The following AGBL4 variants were observed in gnomAD, a reference collection of about 807,000 sequenced individuals.
The protein encoded by AGBL4 is cytosolic carboxypeptidase 6.
AGBL4 carries 58 observed loss-of-function variants against 66.4 expected under a neutral mutation model. The ratio of observed to expected loss-of-function variants is 0.87; its 90% confidence interval spans 0.71 to 1.09. The LOEUF is 1.09. AGBL4 is among the 50% of genes least tolerant of loss of function. AGBL4 has a pLI of 0.00. For missense variants in AGBL4, 579 were observed against 631.0 expected (o/e 0.92, Z 0.88); for synonymous variants, 234 against 222.9 (o/e 1.05, Z -0.44).
intron 3 of AGBL4, among the ~76,000 whole-genome samples, chr1:49,289,178 T>A (rs1644488039): frequency 6.6e-6 from 1 of 152,038 alleles, no homozygotes. Context: ...AACTAGAATA[T>A]AAAGAATTAA....
chr1:49,087,157 C>A (rs1321796456), intron 4 of AGBL4, among the ~76,000 whole-genome samples: 3 of 152,158 alleles, frequency 2.0e-5, no homozygotes, highest in Non-Finnish European at 4.4e-5. Flanking sequence ...AGTGCAAGAG[C>A]TCTGACAAGT....
At chr1:49,335,099 T>C (rs961121482) in intron 3 of AGBL4, among the ~76,000 whole-genome samples, 2 of 152,372 alleles carry the variant, frequency 1.3e-5, no homozygotes, top group Admixed American at 1.3e-4. Context: ...AGACTTCATA[T>C]GGCCAAAACA....
chr1:48,621,217 G>A (rs320031), intron 9 of AGBL4, among the ~76,000 whole-genome samples: 108,649 of 152,080 alleles, frequency 0.71, 39,825 homozygotes, highest in African/African-American at 0.85. Context: ...GGAATTTTGA[G>A]CAGAGAAAGT....
chr1:48,938,292 G>A (rs1237509966), intron 5 of AGBL4, among the ~76,000 whole-genome samples: 1 of 152,128 alleles, frequency 6.6e-6, no homozygotes, highest in Admixed American at 6.5e-5. Context: ...GTGCTATGCT[G>A]TGCACCTTAT....
At chr1:49,443,211 G>A (rs1168815804) in intron 3 of AGBL4, among the ~76,000 whole-genome samples, 1 of 151,912 alleles carries the variant, frequency 6.6e-6, no homozygotes, top group Non-Finnish European at 1.5e-5. Context: ...ATTTTCTCCT[G>A]TTCAGCAAGT....
chr1:49,709,437 C>A (rs755281818), intron 2 of AGBL4, among the ~76,000 whole-genome samples: 8 of 152,214 alleles, frequency 5.3e-5, no homozygotes, highest in Non-Finnish European at 1.0e-4. Flanking sequence ...AGGACAACTT[C>A]AGATTGCTCT....
At chr1:49,842,112 G>A (rs965922211) in intron 2 of AGBL4, 3 of 353,744 alleles carry the variant, frequency 8.5e-6, no homozygotes, top group South Asian at 2.7e-5. Flanking sequence ...TCCGCGCCAA[G>A]CTCCCCAACC....
At chr1:49,868,428 G>A (rs1396399170) in intron 1 of AGBL4, among the ~76,000 whole-genome samples, 2 of 151,410 alleles carry the variant, frequency 1.3e-5, no homozygotes. Flanking sequence ...ACAAAAACAG[G>A]CCAATGGCAC....
chr1:49,691,174 G>C (rs1459982887), intron 3 of AGBL4: 1 of 152,190 alleles, frequency 6.6e-6, no homozygotes, highest in African/African-American at 2.4e-5. Context: ...TGTTGTGGTG[G>C]TAGTTTTTGT....
intron 1 of AGBL4, among the ~76,000 whole-genome samples, chr1:49,884,742 T>A (rs1345356278): frequency 6.6e-6 from 1 of 151,854 alleles, no homozygotes; most frequent in Non-Finnish European, 1.5e-5. Context: ...GTTATTATTA[T>A]TATATGCCTT....
intron 6 of AGBL4, among the ~76,000 whole-genome samples, chr1:48,841,722 T>C (rs962022401): frequency 6.6e-6 from 1 of 152,126 alleles, no homozygotes. Flanking sequence ...TGAGAATTTA[T>C]GGTTTTCGAT....
chr1:49,331,178 A>G (rs920386374), intron 3 of AGBL4, among the ~76,000 whole-genome samples: 1 of 151,774 alleles, frequency 6.6e-6, no homozygotes, highest in Non-Finnish European at 1.5e-5. Context: ...AGGTTTACTT[A>G]CTCCTACCCC....
At position 49,486,815 on chromosome 1, in the gene AGBL4, C is replaced by T. The variant is rs535818461; in HGVS notation, c.282+210498G>A. ...ATGCAACCAAAAATGGGACAAACACCCTTAGAACAAAACTGCTAGCCCCAT... is the reference window on the plus strand; with the variant it reads ...ATGCAACCAAAAATGGGACAAACACTCTTAGAACAAAACTGCTAGCCCCAT... On this transcript the variant is annotated intron_variant, in intron 3 of 13. Transcript: ENST00000371839. Among the ~76,000 whole-genome samples the T allele has an allele frequency of 3.9e-5, 6 of 151,928 alleles. No homozygotes were observed. The South Asian group carries it at 1.2e-3, about 32-fold the overall frequency.
chr1:49,282,829 G>A (rs950406481), intron 3 of AGBL4, among the ~76,000 whole-genome samples: 16 of 152,110 alleles, frequency 1.1e-4, no homozygotes, highest in Non-Finnish European at 1.8e-4. Flanking sequence ...AAAAAACGGC[G>A]CACCAAGAGA....
intron 4 of AGBL4, among the ~76,000 whole-genome samples, chr1:49,179,324 G>A (rs2148182532): frequency 6.6e-6 from 1 of 152,030 alleles, no homozygotes; most frequent in East Asian, 1.9e-4. Flanking sequence ...AAAATCAACT[G>A]GACATAGTAA....
At chr1:49,651,927 G>T (rs1646014738) in intron 3 of AGBL4, among the ~76,000 whole-genome samples, 1 of 151,970 alleles carries the variant, frequency 6.6e-6, no homozygotes, top group African/African-American at 2.4e-5. Context: ...CTCAATGAGT[G>T]CCAAGAGAAA....
chr1:49,010,875 C>T (rs1170628932), intron 5 of AGBL4, among the ~76,000 whole-genome samples: 4 of 151,114 alleles, frequency 2.6e-5, no homozygotes, highest in South Asian at 2.1e-4. Flanking sequence ...ATACAAAAAT[C>T]AATTCAAGAT....
chr1:48,697,255 G>A (rs747929263), intron 6 of AGBL4, among the ~76,000 whole-genome samples: 2 of 152,164 alleles, frequency 1.3e-5, no homozygotes, highest in Non-Finnish European at 2.9e-5. Flanking sequence ...GGTTCATTAG[G>A]AGAGGAAGGA....
chr1:49,858,792 G>A (rs961999894), intron 1 of AGBL4, among the ~76,000 whole-genome samples: 3 of 152,166 alleles, frequency 2.0e-5, no homozygotes, highest in Non-Finnish European at 4.4e-5. Context: ...TGAGGCGGCA[G>A]ATCACCTGAA....
Sources: allele counts gnomAD v4.1 joint callset (sites outside exome capture counted in the v4.1 genomes callset), GRCh38; gene constraint gnomAD v4.1.1; transcripts MANE v1.5; gene names NCBI Gene and HGNC (gene_info 2026-07-23, HGNC 2026-07-21).